The following BRINP1 variants were observed in gnomAD, a reference collection of about 807,000 sequenced individuals.
BRINP1 encodes the protein BMP/retinoic acid-inducible neural-specific protein 1.
In BRINP1, 17 loss-of-function variants were observed where a neutral mutation model predicts 72.9. The ratio of observed to expected loss-of-function variants is 0.23; its 90% CI spans 0.16 to 0.35. The LOEUF is 0.35. Among genes scored for constraint, BRINP1 ranks in the 10% least tolerant of loss-of-function variants. BRINP1 has a pLI of 1.00. For synonymous variants in BRINP1, 418 were observed against 378.5 expected, an observed-to-expected ratio of 1.10 and a Z score of -1.21; for missense variants, 850 against 1,001.6, an observed-to-expected ratio of 0.85 and a Z score of 2.04.
intron 2 of BRINP1, among the ~76,000 whole-genome samples, chr9:119,306,963 C>T (rs1831003241): frequency 1.3e-5 from 2 of 152,130 alleles, no homozygotes; most frequent in Admixed American, 1.3e-4. Flanking sequence ...AAATCTAAGA[C>T]CATTTATTCA....
At position 119,167,333 on chromosome 9, in the gene BRINP1, G is replaced by C. The variant is rs1396911893; in HGVS notation, c.2037C>G (p.Ser679=). 6.2e-7 allele frequency: 1 copy of C among 1,614,032 alleles called. No homozygotes were observed. The highest frequency in any genetic ancestry group is 8.5e-7 in the Non-Finnish European group (1 of 1,180,034). Residue 679 remains serine, a synonymous_variant, in exon 8 of 8, where the codon TCC becomes TCG. Transcript: ENST00000265922. This position sits in a 1 kb window ranked among gnomAD's most constrained non-coding sequence, Gnocchi z 4.3. The part of the protein sequence containing the change: ...LRSAVQQVNQ[S]YTQGGQFYSS... ...AATAGAACTGGCCGCCCTGTGTGTAGGACTGGTTGACCTGCTGCACTGCAC... is the reference window on the plus strand; with the variant it reads ...AATAGAACTGGCCGCCCTGTGTGTACGACTGGTTGACCTGCTGCACTGCAC...
chr9:119,354,963 T>C (rs1214698762), intron 1 of BRINP1, among the ~76,000 whole-genome samples: 1 of 152,180 alleles, frequency 6.6e-6, no homozygotes, highest in East Asian at 1.9e-4. Context: ...AGAAAAAAAC[T>C]AAGTCTATTT....
chr9:119,323,264 A>C (rs797010211), intron 1 of BRINP1, among the ~76,000 whole-genome samples: 1 of 152,338 alleles, frequency 6.6e-6, no homozygotes, highest in African/African-American at 2.4e-5. Context: ...CTCACATCAG[A>C]GAAATCTCAA....
At chr9:119,206,388 C>G (rs935711586) in intron 7 of BRINP1, among the ~76,000 whole-genome samples, 4 of 135,064 alleles carry the variant, frequency 3.0e-5, no homozygotes, top group African/African-American at 1.2e-4. Flanking sequence ...ACACTGCACT[C>G]TAGCCTGGGC....
At chr9:119,273,702 T>C (rs922678303) in intron 2 of BRINP1, among the ~76,000 whole-genome samples, 1 of 152,194 alleles carries the variant, frequency 6.6e-6, no homozygotes, top group Non-Finnish European at 1.5e-5. Flanking sequence ...TTAGTACTCA[T>C]TAGCAGACAC....
At chr9:119,365,999 G>A (rs1226383323) in intron 1 of BRINP1, among the ~76,000 whole-genome samples, 3 of 152,118 alleles carry the variant, frequency 2.0e-5, no homozygotes, top group Non-Finnish European at 4.4e-5. Context: ...GAGTGAACTC[G>A]ATTCTGACTT....
In BRINP1 at chr9:119,247,064, G is replaced by A. The variant is rs188926989; in HGVS notation, c.409+1896C>T. On this transcript the variant is annotated intron_variant, in intron 3 of 7. Coordinates refer to ENST00000265922, the MANE Select transcript of BRINP1 (RefSeq NM_014618.3). Reference sequence around the variant, plus strand: ...AGGTCTTGGTTACTTGGGGTTTCCAGGAACTCAGACAAGAGCACAGCTTTT... The same window carrying A: ...AGGTCTTGGTTACTTGGGGTTTCCAAGAACTCAGACAAGAGCACAGCTTTT... 3.1e-4 allele frequency among the ~76,000 whole-genome samples: 47 copies of A among 152,314 alleles called. No individual in the cohort carries two copies. The East Asian group carries it at 8.1e-3, about 26-fold the overall frequency.
chr9:119,191,155 T>C (rs1185303544), intron 7 of BRINP1, among the ~76,000 whole-genome samples: 1 of 151,942 alleles, frequency 6.6e-6, no homozygotes, highest in Non-Finnish European at 1.5e-5. Flanking sequence ...AGGGTATTTA[T>C]GAAAAACCCA....
At chr9:119,225,873 ATGT>A (rs1405652527) in intron 5 of BRINP1, among the ~76,000 whole-genome samples, 1 of 151,696 alleles carries the variant, frequency 6.6e-6, no homozygotes, top group African/African-American at 2.4e-5. Flanking sequence ...GTTAAATTTT[ATGT>A]TGTGTATATT....
intron 1 of BRINP1, among the ~76,000 whole-genome samples, chr9:119,349,546 C>G (rs1831484056): frequency 1.3e-5 from 2 of 152,248 alleles, no homozygotes; most frequent in South Asian, 4.2e-4. Context: ...AATAAAAATA[C>G]AGCAACGGTT....
At chr9:119,321,172 C>A (rs1831182786) in intron 1 of BRINP1, among the ~76,000 whole-genome samples, 1 of 152,154 alleles carries the variant, frequency 6.6e-6, no homozygotes, top group South Asian at 2.1e-4. Flanking sequence ...ACCTCGTGAT[C>A]CACCCGCCTC....
At chr9:119,172,171 T>A (rs957143666) in intron 7 of BRINP1, among the ~76,000 whole-genome samples, 1 of 151,710 alleles carries the variant, frequency 6.6e-6, no homozygotes, top group South Asian at 2.1e-4. Flanking sequence ...AAAAAACCCA[T>A]CAAAAAGTTA....
intron 1 of BRINP1, among the ~76,000 whole-genome samples, chr9:119,334,167 C>T (rs1223099188): frequency 6.6e-6 from 1 of 152,178 alleles, no homozygotes; most frequent in Non-Finnish European, 1.5e-5. Flanking sequence ...AAATATCATA[C>T]CTGCTTCCTT....
chr9:119,336,178 C>T (rs1174536298), intron 1 of BRINP1, among the ~76,000 whole-genome samples: 2 of 152,032 alleles, frequency 1.3e-5, no homozygotes, highest in African/African-American at 2.4e-5. Context: ...ATTAAACGGT[C>T]CTTAAAGAGA....
chr9:119,322,719 G>C (rs1831202527), intron 1 of BRINP1, among the ~76,000 whole-genome samples: 1 of 152,160 alleles, frequency 6.6e-6, no homozygotes, highest in Admixed American at 6.5e-5. Flanking sequence ...ATCTCATCTA[G>C]GCTTAACTCT....
intron 7 of BRINP1, among the ~76,000 whole-genome samples, chr9:119,170,098 T>C (rs1470692321): frequency 1.3e-5 from 2 of 152,112 alleles, no homozygotes; most frequent in Non-Finnish European, 2.9e-5. Context: ...AGGAACGCAG[T>C]TCCTCACCAG....
intron 7 of BRINP1, among the ~76,000 whole-genome samples, chr9:119,180,335 T>TA: frequency 6.6e-6 from 1 of 152,352 alleles, no homozygotes; most frequent in South Asian, 2.1e-4. Context: ...TTTGACACTG[T>TA]AATGGGTGCC....
chr9:119,192,658 T>C (rs912540931), intron 7 of BRINP1, among the ~76,000 whole-genome samples: 5 of 152,076 alleles, frequency 3.3e-5, no homozygotes, highest in African/African-American at 1.2e-4. Context: ...GGAATGTAGA[T>C]TGGTACAGCC....
At chr9:119,354,996 A>G (rs74443105) in intron 1 of BRINP1, among the ~76,000 whole-genome samples, 2,662 of 152,328 alleles carry the variant, frequency 0.017, 60 homozygotes, top group African/African-American at 0.052. Context: ...AGGTGGATGA[A>G]TGACTTAGAA....
Sources: gnomAD v4.1 joint callset for allele counts (sites outside exome capture counted in the v4.1 genomes callset) on GRCh38, gnomAD v4.1.1 for gene constraint, Gnocchi (gnomAD v3.1) non-coding constraint, MANE v1.5 for transcripts, NCBI Gene and HGNC (gene_info 2026-07-23, HGNC 2026-07-21) for gene names.